ST6GALNAC3: variants seen among roughly 807,000 people sequenced by gnomAD.
The protein encoded by ST6GALNAC3 is alpha-N-acetylgalactosaminide alpha-2,6-sialyltransferase 3.
ST6GALNAC3 carries 25 observed loss-of-function variants against 32.7 expected under a neutral mutation model. The ratio of observed to expected loss-of-function variants is 0.76; its 90% CI spans 0.56 to 1.07. The LOEUF is 1.07. Ranked by LOEUF, ST6GALNAC3 falls within the 50% of genes least tolerant of loss-of-function variation. The pLI is 0.00. For missense variants in ST6GALNAC3, 355 were observed against 382.4 expected (o/e 0.93, Z 0.60); for synonymous variants, 129 against 133.1 (o/e 0.97, Z 0.21).
At position 76,588,873 on chromosome 1, in the gene ST6GALNAC3, T is replaced by A. The variant is rs147495967; in HGVS notation, c.624-38579T>A. On this transcript the variant is annotated intron_variant, in intron 3 of 4. Coordinates refer to ENST00000328299, the MANE Select transcript of ST6GALNAC3 (RefSeq NM_152996.4). ...GTAACTGGTTTCTGGAAATACCACA[T>A]CCTAGAAGCAGTGGCTTCCTGTTCT... Among the ~76,000 whole-genome samples the A allele has an allele frequency of 2.0e-5, 3 of 152,330 alleles. No homozygotes were observed. The East Asian group carries it at 5.8e-4, about 29-fold the overall frequency.
intron 2 of ST6GALNAC3, among the ~76,000 whole-genome samples, chr1:76,316,143 G>T (rs901471540): frequency 2.0e-5 from 3 of 152,144 alleles, no homozygotes; most frequent in African/African-American, 7.2e-5. Flanking sequence ...TGTTGACGAG[G>T]ATGTGGAACA....
intron 2 of ST6GALNAC3, among the ~76,000 whole-genome samples, chr1:76,370,714 C>T (rs966070333): frequency 6.6e-6 from 1 of 152,078 alleles, no homozygotes; most frequent in African/African-American, 2.4e-5. Flanking sequence ...AAATGTTTTA[C>T]ATAGAGAAAC....
intron 3 of ST6GALNAC3, among the ~76,000 whole-genome samples, chr1:76,611,907 G>C (rs1647962371): frequency 6.6e-6 from 1 of 152,134 alleles, no homozygotes; most frequent in African/African-American, 2.4e-5. Flanking sequence ...GTGCCACGAT[G>C]AATTGTTGAG....
At chr1:76,131,035 G>A (rs1372341396) in intron 1 of ST6GALNAC3, among the ~76,000 whole-genome samples, 1 of 152,224 alleles carries the variant, frequency 6.6e-6, no homozygotes, top group Non-Finnish European at 1.5e-5. Flanking sequence ...GGGGCCAGAA[G>A]GATACCCAGA....
At chr1:76,233,712 TTAGA>T (rs1324100280) in intron 1 of ST6GALNAC3, among the ~76,000 whole-genome samples, 1 of 152,202 alleles carries the variant, frequency 6.6e-6, no homozygotes, top group African/African-American at 2.4e-5. Flanking sequence ...AGTCTTTATA[TTAGA>T]TACTTATCTA....
chr1:76,513,498 T>A (rs1241814495), intron 3 of ST6GALNAC3, among the ~76,000 whole-genome samples: 1 of 152,192 alleles, frequency 6.6e-6, no homozygotes, highest in Admixed American at 6.5e-5. Flanking sequence ...TGTGTCTGCT[T>A]ATATGTTAGT....
intron 3 of ST6GALNAC3, among the ~76,000 whole-genome samples, chr1:76,615,311 G>C (rs1027947724): frequency 2.6e-5 from 4 of 152,070 alleles, no homozygotes; most frequent in African/African-American, 7.2e-5. Context: ...ATCTTGGCCT[G>C]ATTACAGGCC....
intron 1 of ST6GALNAC3, among the ~76,000 whole-genome samples, chr1:76,260,188 A>G (rs1658146313): frequency 6.6e-6 from 1 of 152,132 alleles, no homozygotes; most frequent in African/African-American, 2.4e-5. Context: ...GAGGGAAGCC[A>G]GGCAGGCAGA....
At chr1:76,212,675 G>A (rs557983638) in intron 1 of ST6GALNAC3, among the ~76,000 whole-genome samples, 1 of 151,666 alleles carries the variant, frequency 6.6e-6, no homozygotes, top group Non-Finnish European at 1.5e-5. Flanking sequence ...TTTTTTCCCC[G>A]CTAGAAAAGA....
At chr1:76,611,632 C>T (rs544842479) in intron 3 of ST6GALNAC3, among the ~76,000 whole-genome samples, 160 of 152,258 alleles carry the variant, frequency 1.1e-3, no homozygotes, top group African/African-American at 3.5e-3. Context: ...GATCCCTCTA[C>T]GTTGCAGGCA....
chr1:76,111,279 CAG>C (rs1647915054), intron 1 of ST6GALNAC3, among the ~76,000 whole-genome samples: 1 of 151,926 alleles, frequency 6.6e-6, no homozygotes. Flanking sequence ...ATATTACAGG[CAG>C]AGGTGACTAG....
chr1:76,230,420 C>T (rs892955382), intron 1 of ST6GALNAC3, among the ~76,000 whole-genome samples: 1 of 152,082 alleles, frequency 6.6e-6, no homozygotes, highest in Admixed American at 6.6e-5. Flanking sequence ...AAATACTGTT[C>T]ATGATGAAAG....
chr1:76,196,507 C>A (rs1654210745), intron 1 of ST6GALNAC3, among the ~76,000 whole-genome samples: 1 of 151,820 alleles, frequency 6.6e-6, no homozygotes, highest in Non-Finnish European at 1.5e-5. Flanking sequence ...CTCTTGTCAC[C>A]CAGGCTGGAG....
intron 1 of ST6GALNAC3, among the ~76,000 whole-genome samples, chr1:76,271,566 GAGA>G (rs1658845076): frequency 6.6e-6 from 1 of 152,214 alleles, no homozygotes; most frequent in Admixed American, 6.5e-5. Context: ...CATAGTATGT[GAGA>G]AGGAGACAAT....
rs563487397 is a variant in ST6GALNAC3, at chr1:76,325,229, A to G, written c.213+11230A>G. Among the ~76,000 whole-genome samples the G allele has an allele frequency of 9.2e-5, 14 of 152,352 alleles. No individual in the cohort carries two copies. In the South Asian group the frequency reaches 2.9e-3, roughly 32 times the overall value. ...CCCATAGGGCAGGGATGTATAAGAT[A>G]CATGCATTGTGAATACATCACTGTT... On this transcript the variant is annotated intron_variant, in intron 2 of 4. Coordinates refer to ENST00000328299, the MANE Select transcript of ST6GALNAC3 (RefSeq NM_152996.4).
chr1:76,317,879 T>A (rs999555907), intron 2 of ST6GALNAC3, among the ~76,000 whole-genome samples: 5 of 152,112 alleles, frequency 3.3e-5, no homozygotes, highest in African/African-American at 9.7e-5. Context: ...CTGTGGAGTG[T>A]AGGGTTGCTT....
chr1:76,409,628 A>G (rs1247343077), intron 2 of ST6GALNAC3, among the ~76,000 whole-genome samples: 1 of 152,112 alleles, frequency 6.6e-6, no homozygotes, highest in African/African-American at 2.4e-5. Context: ...TGCAGGCATA[A>G]AACTATCTCT....
intron 3 of ST6GALNAC3, chr1:76,412,865 T>C (rs906226807): frequency 5.6e-5 from 12 of 215,334 alleles, no homozygotes; most frequent in African/African-American, 2.4e-4. Flanking sequence ...TCCAATAAGA[T>C]TGTGTAGCTT....
chr1:76,597,884 G>A (rs558405765), intron 3 of ST6GALNAC3, among the ~76,000 whole-genome samples: 14 of 152,136 alleles, frequency 9.2e-5, no homozygotes, highest in Admixed American at 5.9e-4. Context: ...TCTCCTCTCC[G>A]CCAGGCCCTG....
Sources: gnomAD v4.1 joint callset for allele counts (sites outside exome capture counted in the v4.1 genomes callset) on GRCh38, gnomAD v4.1.1 for gene constraint, MANE v1.5 for transcripts, NCBI Gene and HGNC (gene_info 2026-07-23, HGNC 2026-07-21) for gene names.